Variants in ADGRG3 observed in about 807,000 individuals in gnomAD.
ADGRG3 encodes the protein adhesion G protein-coupled receptor G3, also known as G protein-coupled receptor 97.
ADGRG3 carries 39 observed loss-of-function variants against 54.3 expected under a neutral mutation model. That is an observed-to-expected ratio of 0.72 (90% CI 0.56 to 0.94). ADGRG3 has a LOEUF of 0.94. Among genes scored for constraint, ADGRG3 ranks in the 40% least tolerant of loss-of-function variants. The pLI is 0.00. For missense variants in ADGRG3, 654 were observed against 694.6 expected, an observed-to-expected ratio of 0.94 and a Z score of 0.66; for synonymous variants, 312 against 290.0, an observed-to-expected ratio of 1.08 and a Z score of -0.77.
At chr16:57,687,921 T>C (rs1206379481) in intron 11 of ADGRG3, among the ~76,000 whole-genome samples, 1 of 152,252 alleles carries the variant, frequency 6.6e-6, no homozygotes, top group African/African-American at 2.4e-5. Context: ...TTGTCTTGCA[T>C]ATAGAGGTTT....
At position 57,688,698 on chromosome 16, in the gene ADGRG3, C is replaced by A. The variant is rs1401344150; in HGVS notation, c.*237C>A. On this transcript the variant is annotated 3_prime_UTR_variant, in exon 12 of 12. Transcript: ENST00000333493. The stretch of plus-strand genomic sequence containing the variant: ...CTAAAGTTCCTATAGTCCTGAGACC[C>A]CCTGCCAGCAAAGAGTGACAGTCAC... 3 of 488,352 alleles carry A rather than the reference C, an allele frequency of 6.1e-6. No individual in the cohort carries two copies. The highest frequency in any genetic ancestry group is 5.8e-5 in the African/African-American group (3 of 51,774). 30.3% of individuals were successfully genotyped at this position (488,352 alleles called of 1,614,324 possible).
chr16:57,680,359 G>T lies in ADGRG3; in HGVS notation c.762G>T (p.Leu254=). The T allele has an allele frequency of 6.2e-7, 1 of 1,612,408 alleles. No homozygotes were observed. Among genetic ancestry groups the T allele is most frequent in the Non-Finnish European group, 8.5e-7 (1 of 1,179,110 alleles). Residue 254 remains leucine, a synonymous_variant, in exon 7 of 12, where the codon CTG becomes CTT. Coordinates refer to ENST00000333493, the MANE Select transcript of ADGRG3 (RefSeq NM_170776.5). Reference sequence around the variant, plus strand: ...GTGACCACCTGACCTTTTTCGCCCTGCTCCTGGTAACAGCCCCCTCCACTC... The same window carrying T: ...GTGACCACCTGACCTTTTTCGCCCTTCTCCTGGTAACAGCCCCCTCCACTC... ...CCCDHLTFFA[L]LLRPTLDQST...
Position 57,679,061 on chromosome 16 carries a change from G to A in ADGRG3, c.493-116G>A, listed in dbSNP as rs184492679. ...CTTGGCTCCCTGGTCCCCTGGTCTC[G>A]AACTCTGCCCTCCAAGCAAAGGCCA... On this transcript the variant is annotated intron_variant, in intron 4 of 11. Transcript: ENST00000333493. The A allele has an allele frequency of 6.3e-4, 786 of 1,253,442 alleles. 7 individuals are homozygous for A. The African/African-American group carries it at 0.01, about 17-fold the overall frequency. The allele number at this position is 1,253,442 out of a possible 1,614,324, so 77.6% of individuals were successfully genotyped here.
rs756299733 is a variant in ADGRG3, at chr16:57,676,245, G to A, written c.252G>A (p.Thr84=). The A allele has an allele frequency of 1.9e-6, 3 of 1,613,972 alleles. No homozygotes were observed. The highest frequency in any genetic ancestry group is 1.3e-5 in the African/African-American group (1 of 75,014). ...CCCATCTGATGAAGGAAGGTTTGAC[G>A]CAGAAGGTGAACACGCCTTTCCTGA... ...YEAHLMKEGL[T]QKVNTPFLKA... The change falls in exon 3 of 12, where the codon ACG becomes ACA. Residue 84 remains threonine (T), a synonymous_variant. Coordinates refer to ENST00000333493, the MANE Select transcript of ADGRG3 (RefSeq NM_170776.5).
At chr16:57,687,330 G>A (rs145416162) in intron 11 of ADGRG3, among the ~76,000 whole-genome samples, 1,963 of 151,744 alleles carry the variant, frequency 0.013, 39 homozygotes, top group African/African-American at 0.045. Flanking sequence ...AGCTCACTGC[G>A]ACCTCCACCT....
At position 57,678,207 on chromosome 16, in the gene ADGRG3, CT is replaced by C; in HGVS notation, c.384del (p.Asp129ThrfsTer49). The stretch of plus-strand genomic sequence containing the variant: ...GTGATGAAGGACGAGGACAAGCCCC[CT>C]GACAGAGTGCGACTTCCCAAGAGCC... ...RQVMKDEDKPPDRVRLPKSLF... is the reference protein window; with the variant it reads ...RQVMKDEDKPXDRVRLPKSLF... On this transcript the variant is annotated frameshift_variant, in exon 4 of 12. Transcript: ENST00000333493. LOFTEE classifies it high-confidence loss of function. The C allele has an allele frequency of 2.5e-6, 4 of 1,614,214 alleles. No individual in the cohort carries two copies. Among genetic ancestry groups the C allele is most frequent in the Non-Finnish European group, 3.4e-6 (4 of 1,180,008 alleles).
intron 2 of ADGRG3, chr16:57,674,691 G>A (rs1167899328): frequency 2.5e-6 from 1 of 397,110 alleles, no homozygotes; most frequent in African/African-American, 2.1e-5. Context: ...CCAAACAAAA[G>A]CTTATACATG....
intron 1 of ADGRG3, 142 bp downstream of exon 1, chr16:57,668,547 C>A: frequency 1.4e-6 from 1 of 737,712 alleles, no homozygotes; most frequent in Non-Finnish European, 2.3e-6. Flanking sequence ...CCCCCCGTGG[C>A]CGCCTCAGCA....
rs200976831 is a variant in ADGRG3, at chr16:57,680,552, C to T, written c.816C>T (p.Ser272=). ...CGGTGCATATCCTCACACGCATCTC[C>T]CAGGCGGGCTGTGGGGTCTCCATGA... ...QSTVHILTRI[S]QAGCGVSMIF... Residue 272 remains serine, a synonymous_variant, in exon 8 of 12, where the codon TCC becomes TCT. Coordinates refer to ENST00000333493, the MANE Select transcript of ADGRG3 (RefSeq NM_170776.5). 88 of 1,614,022 alleles carry T rather than the reference C, an allele frequency of 5.5e-5. No individual in the cohort carries two copies. The highest frequency in any genetic ancestry group is 7.1e-5 in the Non-Finnish European group (84 of 1,179,984).
intron 5 of ADGRG3, 59 bp downstream of exon 5, chr16:57,679,370 C>A: frequency 6.4e-7 from 1 of 1,573,058 alleles, no homozygotes. Flanking sequence ...GTGGGCACAC[C>A]TGGGCCCATG....
At chr16:57,675,019 AGCAGCAGC>A in intron 2 of ADGRG3, among the ~76,000 whole-genome samples, 1 of 143,152 alleles carries the variant, frequency 7.0e-6, no homozygotes, top group Non-Finnish European at 1.6e-5. Context: ...AAAAAGCAGC[AGCAGCAGC>A]AGCAGCAGCA....
intron 10 of ADGRG3, among the ~76,000 whole-genome samples, chr16:57,685,221 G>T (rs932717473): frequency 3.9e-5 from 6 of 152,206 alleles, no homozygotes; most frequent in Non-Finnish European, 8.8e-5. Flanking sequence ...GGGTCACAAA[G>T]GTGCAGGCAG....
intron 8 of ADGRG3, among the ~76,000 whole-genome samples, chr16:57,681,842 A>G (rs903196835): frequency 6.6e-5 from 10 of 152,178 alleles, no homozygotes; most frequent in Admixed American, 6.5e-4. Flanking sequence ...CCTTCTGCGT[A>G]TGGGGTCCTA....
chr16:57,666,965 T>C (rs1201595040), upstream of ADGRG3, among the ~76,000 whole-genome samples: 1 of 152,212 alleles, frequency 6.6e-6, no homozygotes, highest in Non-Finnish European at 1.5e-5. Flanking sequence ...GAGGGAGGTC[T>C]GCAGATCTTC....
intron 4 of ADGRG3, 45 bp downstream of exon 4, chr16:57,678,361 G>A (rs1218551364): frequency 6.3e-7 from 1 of 1,594,640 alleles, no homozygotes; most frequent in South Asian, 1.1e-5. Flanking sequence ...AGGTCCTCTG[G>A]GGGCTCCATG....
At chr16:57,665,821 C>T (rs1456596777), upstream of ADGRG3, among the ~76,000 whole-genome samples, 1 of 152,214 alleles carries the variant, frequency 6.6e-6, no homozygotes, top group Non-Finnish European at 1.5e-5. Context: ...GGAAGAGGCT[C>T]AGAGTCTTGG....
At chr16:57,679,401 A>AT in intron 5 of ADGRG3, 90 bp downstream of exon 5, 1 of 1,375,428 alleles carries the variant, frequency 7.3e-7, no homozygotes, top group Middle Eastern at 1.8e-4. Flanking sequence ...GGGACACTAC[A>AT]TATCTGTCCC....
At chr16:57,668,446 C>A (rs547316738) in intron 1 of ADGRG3, 41 bp downstream of exon 1, 4 of 1,512,116 alleles carry the variant, frequency 2.6e-6, no homozygotes, top group South Asian at 1.2e-5. Context: ...CACGCTGGGC[C>A]GACCCTGCCC....
At position 57,680,607 on chromosome 16, in the gene ADGRG3, G is replaced by A. The variant is rs770770684; in HGVS notation, c.871G>A (p.Ala291Thr). 6.2e-7 allele frequency: 1 copy of A among 1,610,486 alleles called. No homozygotes were observed. The highest frequency in any genetic ancestry group is 8.5e-7 in the Non-Finnish European group (1 of 1,176,780). Residue 291 changes from alanine to threonine, a missense_variant, in exon 8 of 12, where the codon GCC becomes ACC. Physicochemically the swap from Ala to Thr is moderately conservative, Grantham distance 58. Transcript: ENST00000333493. ...CCTGGCCTTCACCATTATTCTTTATGCCTTTCTGAGGTGAGTGATCCCCAC... is the reference window on the plus strand; with the variant it reads ...CCTGGCCTTCACCATTATTCTTTATACCTTTCTGAGGTGAGTGATCCCCAC... ...IFLAFTIILY[A>T]FLRLSRERFK... is the part of the protein sequence containing the mutation.
Sources: gnomAD v4.1 joint callset for allele counts (sites outside exome capture counted in the v4.1 genomes callset) on GRCh38, gnomAD v4.1.1 for gene constraint, MANE v1.5 for transcripts, NCBI Gene and HGNC (gene_info 2026-07-23, HGNC 2026-07-21) for gene names.